Variants in ANAPC5 observed in about 807,000 individuals in gnomAD.
ANAPC5 encodes anaphase-promoting complex subunit 5.
Under a neutral mutation model 91.3 loss-of-function variants are expected in ANAPC5, and 60 were observed. The observed-to-expected ratio is 0.66, with a 90% CI of 0.53 to 0.81. The LOEUF (loss-of-function observed/expected upper bound fraction) is 0.81, where lower values mean the gene tolerates loss of function less well. Among genes scored for constraint, ANAPC5 ranks in the 40% least tolerant of loss-of-function variants. ANAPC5 has a pLI of 0.00. For synonymous variants in ANAPC5, 340 were observed against 364.1 expected, an observed-to-expected ratio of 0.93 and a Z score of 0.75; for missense variants, 690 against 931.5, an observed-to-expected ratio of 0.74 and a Z score of 3.37.
intron 13 of ANAPC5, among the ~76,000 whole-genome samples, 180 bp from the exon 14 acceptor site, chr12:121,318,788 A>T (rs1593578733): frequency 1.3e-5 from 2 of 152,156 alleles, no homozygotes; most frequent in East Asian, 3.9e-4. Flanking sequence ...TGGGAGGCCG[A>T]GGCGGGCGAA....
chr12:121,318,325 C>G lies in ANAPC5; in HGVS notation c.1845G>C (p.Arg615=). The G allele has an allele frequency of 6.3e-7, 1 of 1,599,344 alleles. No individual in the cohort carries two copies. The change falls in exon 15 of 17, where the codon CGG becomes CGC. Residue 615 remains arginine, a synonymous_variant. Coordinates refer to ENST00000261819, the MANE Select transcript of ANAPC5 (RefSeq NM_016237.5). ...CTGTTTCAGAGGCCAAGTACTGTAA[C>G]CGGTACTCCTTGGAGAGGGCCAGAG... ...LQALALSKEY[R]LQYLASETVL...
Position 121,346,364 on chromosome 12 carries a change from G to A in ANAPC5, c.398-333C>T, listed in dbSNP as rs140753558. 1.1e-3 allele frequency: 239 copies of A among 210,534 alleles called. 2 individuals are homozygous for A. The highest frequency in any genetic ancestry group is 5.3e-3 in the African/African-American group (230 of 43,698). The allele number at this position is 210,534 out of a possible 1,614,324, so 13.0% of individuals were successfully genotyped here. On this transcript the variant is annotated intron_variant, in intron 3 of 16. Transcript: ENST00000261819. ...CCAACCAGAGGTAATCTCCATAAGAGGAAATTCCATGTCTATCTTACACGT... is the reference window on the plus strand; with the variant it reads ...CCAACCAGAGGTAATCTCCATAAGAAGAAATTCCATGTCTATCTTACACGT...
intron 7 of ANAPC5, chr12:121,333,530 G>A (rs1555273144): frequency 1.3e-5 from 2 of 152,144 alleles, no homozygotes; most frequent in Non-Finnish European, 1.5e-5. Flanking sequence ...AAAGAAGTTA[G>A]TTATTACAAG....
intron 15 of ANAPC5, among the ~76,000 whole-genome samples, chr12:121,316,163 T>G (rs1902351904): frequency 2.0e-5 from 3 of 152,116 alleles, no homozygotes; most frequent in Admixed American, 1.3e-4. Flanking sequence ...AAAGAACATA[T>G]GCAAATGGCC....
At chr12:121,335,842 G>A in intron 6 of ANAPC5, 119 bp from the exon 7 acceptor site, 1 of 804,942 alleles carries the variant, frequency 1.2e-6, no homozygotes, top group East Asian at 2.9e-5. Context: ...TAATAAGATG[G>A]TCATAGTTTA....
At chr12:121,321,694 T>G (rs1488518327) in intron 11 of ANAPC5, among the ~76,000 whole-genome samples, 1 of 151,332 alleles carries the variant, frequency 6.6e-6, no homozygotes, top group Non-Finnish European at 1.5e-5. Context: ...CGCGCCACCA[T>G]GCTCAGCTAA....
At position 121,352,159 on chromosome 12, in the gene ANAPC5, T is replaced by C. The variant is rs148117423; in HGVS notation, c.182A>G (p.Asn61Ser). Residue 61 changes from asparagine to serine, a missense_variant, in exon 1 of 17, where the codon AAC (asparagine) becomes AGC (serine). Physicochemically the swap from Asn to Ser is conservative, Grantham distance 46. Around this residue, in one of 5 missense-constraint regions of ANAPC5, gnomAD observed 238 missense variants for 264.9 expected, o/e 0.90. Coordinates refer to ENST00000261819, the MANE Select transcript of ANAPC5 (RefSeq NM_016237.5). ...CTGCAGCAGGGGCAGGAGCAGCTGGTTGAGCCTCCGCCGCTCCATGAGGCT... is the reference window on the plus strand; with the variant it reads ...CTGCAGCAGGGGCAGGAGCAGCTGGCTGAGCCTCCGCCGCTCCATGAGGCT... ...AVSLMERRRL[N>S]QLLLPLLQGP... The C allele has an allele frequency of 3.1e-6, 5 of 1,611,430 alleles. No individual in the cohort carries two copies. The highest frequency in any genetic ancestry group is 3.4e-6 in the Non-Finnish European group (4 of 1,178,324).
In ANAPC5 at chr12:121,318,500, C is replaced by T; in HGVS notation, c.1745+1G>A. 6.2e-7 allele frequency: 1 copy of T among 1,614,090 alleles called. No homozygotes were observed. Among genetic ancestry groups the T allele is most frequent in the Non-Finnish European group, 8.5e-7 (1 of 1,179,958 alleles). The stretch of plus-strand genomic sequence containing the variant: ...CGTGAGATGTACAAGAGACCCCTTA[C>T]CTGATCACCATTTCTGTGTTCTTCA... On this transcript the variant is annotated splice_donor_variant, in intron 14 of 16. Coordinates refer to ENST00000261819, the MANE Select transcript of ANAPC5 (RefSeq NM_016237.5). LOFTEE classifies it high-confidence loss of function.
intron 15 of ANAPC5, among the ~76,000 whole-genome samples, chr12:121,315,178 A>T (rs1902306828): frequency 6.6e-6 from 1 of 152,216 alleles, no homozygotes; most frequent in African/African-American, 2.4e-5. Context: ...ATGTTTAAAA[A>T]AATTTCATTT....
At chr12:121,349,547 G>A (rs1321414737) in intron 1 of ANAPC5, among the ~76,000 whole-genome samples, 1 of 151,350 alleles carries the variant, frequency 6.6e-6, no homozygotes, top group Non-Finnish European at 1.5e-5. Flanking sequence ...GTGACTGAGG[G>A]AGTGAGATCC....
rs1555273349 is a variant in ANAPC5, at chr12:121,335,546, G to A, written c.937C>T (p.Arg313Cys). 4.4e-6 allele frequency: 7 copies of A among 1,604,736 alleles called. No individual in the cohort carries two copies. Among genetic ancestry groups the A allele is most frequent in the African/African-American group, 1.3e-5 (1 of 74,752 alleles). ...CTATAAACTTACTAGTGACCGAAGCGGCAGTGCAGGGCGGCAAGATTCAGA... is the reference window on the plus strand; with the variant it reads ...CTATAAACTTACTAGTGACCGAAGCAGCAGTGCAGGGCGGCAAGATTCAGA... ...AALNLAALHCRFGHYQQAELA... is the reference protein window; with the variant it reads ...AALNLAALHCCFGHYQQAELA... Residue 313 changes from arginine to cysteine, a missense_variant, in exon 7 of 17, where the codon CGC becomes TGC. Arg to Cys is a radical substitution (Grantham distance 180). Transcript: ENST00000261819.
At chr12:121,351,129 T>C (rs1593611206) in intron 1 of ANAPC5, 1 of 442,384 alleles carries the variant, frequency 2.3e-6, no homozygotes, top group Non-Finnish European at 4.5e-6. Flanking sequence ...CCCAATACTC[T>C]GGGAGACCAG....
chr12:121,318,615 C>T lies in ANAPC5; in HGVS notation c.1638-7G>A, dbSNP rs778868797. ...TTGTAATACAACCGCTTTCCTGAAA[C>T]AGAATCAAAATGAACACAAGTGTTT... On this transcript the variant is annotated splice_region_variant and splice_polypyrimidine_tract_variant and intron_variant, in intron 13 of 16. Transcript: ENST00000261819. 1 of 1,610,264 alleles carries T rather than the reference C, an allele frequency of 6.2e-7. No homozygotes were observed. Among genetic ancestry groups the T allele is most frequent in the South Asian group, 1.1e-5 (1 of 90,938 alleles).
chr12:121,338,130 T>C (rs59997381), intron 5 of ANAPC5, among the ~76,000 whole-genome samples: 8,401 of 151,950 alleles, frequency 0.055, 451 homozygotes, highest in East Asian at 0.16. Context: ...TCCCAGCACT[T>C]TGGGAGGCAG....
chr12:121,343,328 G>A (rs966157472), intron 4 of ANAPC5, among the ~76,000 whole-genome samples: 30 of 152,176 alleles, frequency 2.0e-4, no homozygotes, highest in East Asian at 3.8e-4. Context: ...AGAGAAAGTA[G>A]AGAATAATAA....
At chr12:121,340,624 C>T (rs1377551287) in intron 5 of ANAPC5, among the ~76,000 whole-genome samples, 1 of 151,716 alleles carries the variant, frequency 6.6e-6, no homozygotes, top group Non-Finnish European at 1.5e-5. Context: ...GCAACCTCCG[C>T]TCACCGCAAC....
intron 9 of ANAPC5, among the ~76,000 whole-genome samples, chr12:121,329,667 G>A (rs1902959485): frequency 6.7e-6 from 1 of 150,096 alleles, no homozygotes; most frequent in African/African-American, 2.5e-5. Context: ...CCAGGCTGGA[G>A]TGCAATGGCA....
intron 11 of ANAPC5, 150 bp from the exon 12 acceptor site, chr12:121,320,609 C>CT (rs375724639): frequency 0.049 from 21,519 of 440,052 alleles, 10 homozygotes; most frequent in South Asian, 0.065. Flanking sequence ...TCTTTTCTTT[C>CT]TTTTTTTTTT....
At position 121,342,105 on chromosome 12, in the gene ANAPC5, T is replaced by C. The variant is rs1555274172; in HGVS notation, c.591-36A>G. ...TAAAAAAACAAAAATAGTAAAGAAT[T>C]ACACAAAAGTAAAAATGATAACATT... On this transcript the variant is annotated intron_variant, in intron 4 of 16. Coordinates refer to ENST00000261819, the MANE Select transcript of ANAPC5 (RefSeq NM_016237.5). The surrounding 1 kb of genome is among the most constrained non-coding windows in gnomAD (Gnocchi z 4.1). 9 of 1,420,404 alleles carry C rather than the reference T, an allele frequency of 6.3e-6. No homozygotes were observed. The highest frequency in any genetic ancestry group is 2.9e-5 in the African/African-American group (2 of 69,798). 88.0% of individuals were successfully genotyped at this position (1,420,404 alleles called of 1,614,324 possible). A position where few individuals can be genotyped will look rare whatever the true frequency, so the allele number is the denominator to read the frequency against.
Sources: gnomAD v4.1 joint callset for allele counts (sites outside exome capture counted in the v4.1 genomes callset) on GRCh38, gnomAD v4.1.1 for gene constraint, gnomAD v4.1.1 regional missense constraint, Gnocchi (gnomAD v3.1) non-coding constraint, MANE v1.5 for transcripts, NCBI Gene and HGNC (gene_info 2026-07-23, HGNC 2026-07-21) for gene names.